The following SERINC5 variants were observed in gnomAD, a reference collection of about 807,000 sequenced individuals.
SERINC5 encodes serine incorporator 5.
Under a neutral mutation model 63.1 loss-of-function variants are expected in SERINC5, and 41 were observed. The observed-to-expected ratio is 0.65, with a 90% CI of 0.51 to 0.84. The LOEUF is 0.84. SERINC5 is among the 40% of genes least tolerant of loss of function. SERINC5 has a pLI of 0.00. For synonymous variants in SERINC5, 222 were observed against 215.2 expected (o/e 1.03, Z -0.28); for missense variants, 523 against 573.0 (o/e 0.91, Z 0.89).
chr5:80,173,834 T>G, intron 5 of SERINC5, among the ~76,000 whole-genome samples: 1 of 152,204 alleles, frequency 6.6e-6, no homozygotes, highest in African/African-American at 2.4e-5. Context: ...ACAGATTATA[T>G]TCCTCCCTTT....
At chr5:80,184,489 C>T (rs1435366320) in intron 2 of SERINC5, among the ~76,000 whole-genome samples, 4 of 152,182 alleles carry the variant, frequency 2.6e-5, no homozygotes, top group Admixed American at 2.0e-4. Context: ...GGAATGCGGC[C>T]AGGGCCCTTT....
chr5:80,150,917 C>T lies in SERINC5; in HGVS notation c.1018G>A (p.Ala340Thr), dbSNP rs769873829. 9.3e-6 allele frequency: 15 copies of T among 1,613,362 alleles called. No homozygotes were observed. The highest frequency in any genetic ancestry group is 1.3e-5 in the African/African-American group (1 of 74,894). The change falls in exon 9 of 12, where the codon GCT becomes ACT. Residue 340 changes from alanine to threonine, a missense_variant. By Grantham distance (58) the Ala-to-Thr change is moderately conservative. Coordinates refer to ENST00000507668, the MANE Select transcript of SERINC5 (RefSeq NM_001174072.3). ...LTSTTRSSSD[A>T]LQGRYAAPEL... ...GGAGCTGCGTATCGCCCCTGCAGAG[C>T]GTCAGAACTCGATCTTGTTGTTGAT... is the stretch of plus-strand genomic sequence containing the variant.
chr5:80,249,831 T>C (rs1752326909), intron 1 of SERINC5, among the ~76,000 whole-genome samples: 1 of 151,806 alleles, frequency 6.6e-6, no homozygotes. Context: ...AAATAATAAA[T>C]ATTAAATATA....
At position 80,140,690 on chromosome 5, in the gene SERINC5, T is replaced by C. The variant is rs1456584619; in HGVS notation, c.*2973A>G. On this transcript the variant is annotated 3_prime_UTR_variant, in exon 12 of 12. Transcript: ENST00000507668. ...AAATAGTCTCTAGTCTCCAGTCAGG[T>C]AACATGCCGCGGTATGACACTCCCA... 1.3e-5 allele frequency: 13 copies of C among 985,184 alleles called. No individual in the cohort carries two copies. The highest frequency in any genetic ancestry group is 1.6e-5 in the Non-Finnish European group (13 of 829,898). The allele number at this position is 985,184 out of a possible 1,614,324, so 61.0% of individuals were successfully genotyped here. A position where few individuals can be genotyped will look rare whatever the true frequency, so the allele number is the denominator to read the frequency against.
intron 1 of SERINC5, among the ~76,000 whole-genome samples, chr5:80,227,678 T>A (rs1250804448): frequency 1.3e-5 from 2 of 152,020 alleles, no homozygotes; most frequent in Non-Finnish European, 2.9e-5. Flanking sequence ...CAGTCAATCA[T>A]TTGAAAGTTA....
At chr5:80,161,565 TTTG>T (rs1370066308) in intron 7 of SERINC5, among the ~76,000 whole-genome samples, 1 of 152,212 alleles carries the variant, frequency 6.6e-6, no homozygotes, top group African/African-American at 2.4e-5. Context: ...TTTGGTGTTT[TTTG>T]TTGTTGAATT....
chr5:80,254,664 C>T (rs1187364229), intron 1 of SERINC5, among the ~76,000 whole-genome samples: 3 of 152,164 alleles, frequency 2.0e-5, no homozygotes, highest in East Asian at 3.8e-4. Context: ...TTCTCAAATA[C>T]CTGGTAAGGT....
At chr5:80,241,886 G>T (rs560200256) in intron 1 of SERINC5, among the ~76,000 whole-genome samples, 2 of 152,154 alleles carry the variant, frequency 1.3e-5, no homozygotes, top group Admixed American at 6.5e-5. Flanking sequence ...ACTTTGGGAG[G>T]CCAAGGCAGG....
chr5:80,166,237 C>A, intron 7 of SERINC5, 146 bp downstream of exon 7: 2 of 595,936 alleles, frequency 3.4e-6, no homozygotes, highest in Non-Finnish European at 6.0e-6. Flanking sequence ...ATCATCCTAA[C>A]CTCCTCCCAA....
intron 1 of SERINC5, among the ~76,000 whole-genome samples, chr5:80,209,933 A>T (rs1435207277): frequency 6.7e-6 from 1 of 150,276 alleles, no homozygotes; most frequent in Non-Finnish European, 1.5e-5. Context: ...CGGTGGTCCC[A>T]GCTACTTGGG....
At chr5:80,242,039 G>C (rs1385580029) in intron 1 of SERINC5, among the ~76,000 whole-genome samples, 2 of 152,054 alleles carry the variant, frequency 1.3e-5, no homozygotes, top group African/African-American at 2.4e-5. Context: ...GCTGAGGTAG[G>C]AGGATCACTT....
At chr5:80,149,050 T>C (rs1746006071) in intron 9 of SERINC5, among the ~76,000 whole-genome samples, 1 of 152,210 alleles carries the variant, frequency 6.6e-6, no homozygotes, top group Non-Finnish European at 1.5e-5. Flanking sequence ...CAAAGTTGTA[T>C]CCTGTGAAAT....
intron 11 of SERINC5, 121 bp from the exon 12 acceptor site, chr5:80,143,931 G>A: frequency 1.7e-6 from 2 of 1,184,628 alleles, no homozygotes; most frequent in Non-Finnish European, 2.4e-6. Context: ...ACACAGACTT[G>A]TGCTACCATC....
intron 1 of SERINC5, among the ~76,000 whole-genome samples, chr5:80,221,443 G>A (rs1482761031): frequency 6.6e-6 from 1 of 152,140 alleles, no homozygotes; most frequent in Non-Finnish European, 1.5e-5. Flanking sequence ...GGAATCATGA[G>A]AGACTAGCAT....
intron 2 of SERINC5, among the ~76,000 whole-genome samples, chr5:80,184,832 C>A (rs1748699360): frequency 6.6e-6 from 1 of 152,190 alleles, no homozygotes; most frequent in Admixed American, 6.5e-5. Context: ...TTAAGTCTGG[C>A]TCTGGGCACC....
At chr5:80,163,142 A>G (rs1163517237) in intron 7 of SERINC5, among the ~76,000 whole-genome samples, 1 of 151,826 alleles carries the variant, frequency 6.6e-6, no homozygotes. Flanking sequence ...GATGTGAGCC[A>G]ATGCACCCAG....
chr5:80,227,698 A>G (rs888298912), intron 1 of SERINC5, among the ~76,000 whole-genome samples: 6 of 152,152 alleles, frequency 3.9e-5, no homozygotes, highest in Non-Finnish European at 7.4e-5. Context: ...AAAAATTCAA[A>G]AACTAGCCAG....
At chr5:80,137,592 G>A (rs1348282966), downstream of SERINC5, among the ~76,000 whole-genome samples, 3 of 140,400 alleles carry the variant, frequency 2.1e-5, no homozygotes, top group Non-Finnish European at 4.6e-5. Flanking sequence ...GCAGTGAGCC[G>A]AGATCATGCC....
Position 80,192,429 on chromosome 5 carries a change from T to C in SERINC5, c.195+10457A>G, listed in dbSNP as rs548876988. On this transcript the variant is annotated intron_variant, in intron 2 of 11. Coordinates refer to ENST00000507668, the MANE Select transcript of SERINC5 (RefSeq NM_001174072.3). ...AGTGAATCAAACTGTGTATCTCCCA[T>C]ATGTCATTTTTTTTTTTTTAGCAGA... Among the ~76,000 whole-genome samples the C allele has an allele frequency of 5.8e-5, 8 of 138,566 alleles. 1 individual carries two copies. In the South Asian group the frequency reaches 1.6e-3, roughly 28 times the overall value. 90.9% of individuals were successfully genotyped at this position (138,566 alleles called of 152,430 possible).
Sources: allele counts gnomAD v4.1 joint callset (sites outside exome capture counted in the v4.1 genomes callset), GRCh38; gene constraint gnomAD v4.1.1; transcripts MANE v1.5; gene names NCBI Gene and HGNC (gene_info 2026-07-23, HGNC 2026-07-21).